KCNH2: variants seen among roughly 807,000 people sequenced by gnomAD.
KCNH2 encodes the protein potassium voltage-gated channel subfamily H member 2, also known as voltage-gated inwardly rectifying potassium channel KCNH2.
Under a neutral mutation model 95.9 loss-of-function variants are expected in KCNH2, and 35 were observed. The observed-to-expected ratio is 0.37, with a 90% CI of 0.28 to 0.48. The LOEUF (loss-of-function observed/expected upper bound fraction) is 0.48, where lower values mean the gene tolerates loss of function less well. KCNH2 is among the 20% of genes least tolerant of loss of function. The pLI, the probability that KCNH2 is intolerant of heterozygous loss-of-function variation, is 0.99. For synonymous variants in KCNH2, 786 were observed against 754.7 expected, an observed-to-expected ratio of 1.04 and a Z score of -0.68; for missense variants, 1,274 against 1,702.9, an observed-to-expected ratio of 0.75 and a Z score of 4.43.
chr7:150,952,781 G>C lies in KCNH2; in HGVS notation c.1201C>G (p.Leu401Val). ...QAPRIHRWTI[L>V]HYSPFKAVWD... Reference sequence around the variant, plus strand: ...ACGGCCTTGAAGGGGCTGTAATGCAGGATGGTCCAGCGGTGGATGCGCGGT... The same window carrying C: ...ACGGCCTTGAAGGGGCTGTAATGCACGATGGTCCAGCGGTGGATGCGCGGT... The change falls in exon 6 of 15, where the codon CTG becomes GTG. Residue 401 changes from leucine (L) to valine (V), a missense_variant. Leu to Val is a conservative substitution (Grantham distance 32). Coordinates refer to ENST00000262186, the MANE Select transcript of KCNH2 (RefSeq NM_000238.4). This position sits in a 1 kb window ranked among gnomAD's most constrained non-coding sequence, Gnocchi z 7.3. 6.2e-7 allele frequency: 1 copy of C among 1,614,190 alleles called. No homozygotes were observed. The highest frequency in any genetic ancestry group is 2.2e-5 in the East Asian group (1 of 44,882).
intron 9 of KCNH2, chr7:150,949,731 G>A (rs1011269768): frequency 5.9e-6 from 7 of 1,186,960 alleles, no homozygotes; most frequent in Middle Eastern, 3.8e-4. Context: ...CACAGGCAGG[G>A]TAGAAAGGAA....
chr7:150,958,877 A>G (rs1157854046), intron 3 of KCNH2, among the ~76,000 whole-genome samples: 3 of 152,202 alleles, frequency 2.0e-5, no homozygotes, highest in African/African-American at 7.2e-5. Context: ...ACACAATGCC[A>G]GGGGCCCTGC....
intron 1 of KCNH2, among the ~76,000 whole-genome samples, chr7:150,976,219 C>T (rs1024594405): frequency 6.6e-6 from 1 of 152,116 alleles, no homozygotes; most frequent in African/African-American, 2.4e-5. Flanking sequence ...GGCAATCCTA[C>T]GTGCAAAGCT....
At position 150,945,079 on chromosome 7, in the gene KCNH2, T is replaced by C; in HGVS notation, c.*286A>G. On this transcript the variant is annotated 3_prime_UTR_variant, in exon 15 of 15. Transcript: ENST00000262186. The surrounding 1 kb of genome is among the most constrained non-coding windows in gnomAD (Gnocchi z 5.6). ...GTAAATAGCAGAAAAGTCCTTGAGG[T>C]GCCTAAGGCCCAGGGCCGGGTGCCT... The C allele has an allele frequency of 2.2e-6, 1 of 450,428 alleles. No individual in the cohort carries two copies. The highest frequency in any genetic ancestry group is 4.0e-6 in the Non-Finnish European group (1 of 252,648). 27.9% of individuals were successfully genotyped at this position (450,428 alleles called of 1,614,324 possible).
Position 150,978,046 on chromosome 7 carries a change from G to T in KCNH2, c.-133C>A. ...CCAAGCCGAGCACGGGCGCGGCCAA[G>T]ACTGGACTGCGGGCGCCGGGTCCTC... On this transcript the variant is annotated 5_prime_UTR_variant, in exon 1 of 15. Transcript: ENST00000262186. 3.3e-6 allele frequency: 1 copy of T among 306,524 alleles called. No individual in the cohort carries two copies. Among genetic ancestry groups the T allele is most frequent in the South Asian group, 1.4e-4 (1 of 7,296 alleles). 19.0% of individuals were successfully genotyped at this position (306,524 alleles called of 1,614,324 possible).
chr7:150,949,957 T>G, intron 9 of KCNH2: 1 of 1,542,174 alleles, frequency 6.5e-7, no homozygotes, highest in Non-Finnish European at 8.8e-7. Context: ...AAGGAGAATG[T>G]GGGAACCCCA....
At chr7:150,950,569 G>A (rs1372623007) in intron 8 of KCNH2, 149 bp from the exon 9 acceptor site, 1 of 1,083,402 alleles carries the variant, frequency 9.2e-7, no homozygotes, top group East Asian at 2.6e-5. Context: ...CAGTGTCTTG[G>A]GAAGGACCTG....
intron 5 of KCNH2, among the ~76,000 whole-genome samples, chr7:150,956,478 CAG>C (rs755745977): frequency 6.6e-6 from 1 of 152,192 alleles, no homozygotes; most frequent in Non-Finnish European, 1.5e-5. Flanking sequence ...TCACTCACTG[CAG>C]AGATCTGCAC....
intron 2 of KCNH2, among the ~76,000 whole-genome samples, chr7:150,969,586 T>A (rs558805605): frequency 6.2e-4 from 94 of 152,312 alleles, no homozygotes; most frequent in African/African-American, 2.3e-3. Flanking sequence ...GTCACCTGAC[T>A]CCCAGGGAAG....
At position 150,948,473 on chromosome 7, in the gene KCNH2, T is replaced by G; in HGVS notation, c.2663A>C (p.Lys888Thr). Residue 888 changes from lysine (K) to threonine (T), a missense_variant, in exon 11 of 15, where the codon AAG becomes ACG. Around this residue, in one of 7 missense-constraint regions of KCNH2, gnomAD observed 457 missense variants for 416.1 expected, o/e 1.10. Coordinates refer to ENST00000262186, the MANE Select transcript of KCNH2 (RefSeq NM_000238.4). ...EGGFSRQRKR[K>T]LSFRRRTDKD... ...GTCCGTGCGCCTGCGGAAGGACAAC[T>G]TGCGCTTGCGTTGCCGACTGAAGCC... 7.3e-7 allele frequency: 1 copy of G among 1,378,564 alleles called. No homozygotes were observed. The highest frequency in any genetic ancestry group is 1.5e-5 in the African/African-American group (1 of 64,840). The allele number at this position is 1,378,564 out of a possible 1,614,324, so 85.4% of individuals were successfully genotyped here.
intron 7 of KCNH2, 88 bp downstream of exon 7, chr7:150,951,360 C>T (rs1801149734): frequency 6.4e-7 from 1 of 1,553,636 alleles, no homozygotes; most frequent in African/African-American, 1.4e-5. Context: ...CAGGGCCTCA[C>T]TCTGGCCCGG....
At chr7:150,959,447 A>AG in intron 3 of KCNH2, 125 bp downstream of exon 3, 1 of 1,209,032 alleles carries the variant, frequency 8.3e-7, no homozygotes, top group Non-Finnish European at 1.2e-6. Context: ...CCACCTCCAA[A>AG]GGGGGGACCC....
chr7:150,948,771 C>A, intron 10 of KCNH2, 85 bp downstream of exon 10: 1 of 1,261,890 alleles, frequency 7.9e-7, no homozygotes, highest in East Asian at 2.4e-5. Context: ...GACAGAGAAG[C>A]ATCACATTCA....
At chr7:150,950,061 C>A in intron 9 of KCNH2, 107 bp downstream of exon 9, 1 of 1,612,060 alleles carries the variant, frequency 6.2e-7, no homozygotes, top group South Asian at 1.1e-5. Context: ...AGTGACCCTG[C>A]AGGCAGTCCC....
At position 150,947,099 on chromosome 7, in the gene KCNH2, T is replaced by C. The variant is rs1228179792; in HGVS notation, c.3153-45A>G. The stretch of plus-strand genomic sequence containing the variant: ...ATGCTCAGAGAAGTGGGGACACCAG[T>C]GACAGCCTCCACCGGGAGTGGGGAA... On this transcript the variant is annotated intron_variant, in intron 13 of 14. Coordinates refer to ENST00000262186, the MANE Select transcript of KCNH2 (RefSeq NM_000238.4). 4 of 972,812 alleles carry C rather than the reference T, an allele frequency of 4.1e-6. No homozygotes were observed. In the East Asian group the frequency reaches 2.3e-4, roughly 56 times the overall value. The allele number at this position is 972,812 out of a possible 1,614,324, so 60.3% of individuals were successfully genotyped here. A position where few individuals can be genotyped will look rare whatever the true frequency, so the allele number is the denominator to read the frequency against.
intron 5 of KCNH2, 28 bp downstream of exon 5, chr7:150,957,263 G>A: frequency 6.5e-7 from 1 of 1,538,732 alleles, no homozygotes; most frequent in Non-Finnish European, 8.8e-7. Context: ...TCCAAGGTGA[G>A]AGGAGAGCCC....
rs1584839577 is a variant in KCNH2 at position 150,945,610 on chromosome 7, G to A, written c.3331-96C>T. The A allele has an allele frequency of 9.9e-6, 13 of 1,311,478 alleles. No homozygotes were observed. The East Asian group carries it at 1.5e-4, about 15-fold the overall frequency. The allele number at this position is 1,311,478 out of a possible 1,614,324, so 81.2% of individuals were successfully genotyped here. A position where few individuals can be genotyped will look rare whatever the true frequency, so the allele number is the denominator to read the frequency against. ...GAGAACCCGGGGACAGAGGATGGAC[G>A]GGAGGACAGGAGGGCCAAGAGGAGA... On this transcript the variant is annotated intron_variant, in intron 14 of 14. Transcript: ENST00000262186. The surrounding 1 kb of genome is among the most constrained non-coding windows in gnomAD (Gnocchi z 5.6).
chr7:150,950,370 C>A lies in KCNH2; in HGVS notation c.2196G>T (p.Leu732=), dbSNP rs1801094386. ...TGCAGTGCTGCAGCAGTGAGCGGTTCAGGTGCAGGCAGATGTCAGCCTGCA... is the reference window on the plus strand; with the variant it reads ...TGCAGTGCTGCAGCAGTGAGCGGTTAAGGTGCAGGCAGATGTCAGCCTGCA... The part of the protein sequence containing the change: ...ECLQADICLH[L]NRSLLQHCKP... Residue 732 remains leucine (L), a synonymous_variant, in exon 9 of 15, where the codon CTG becomes CTT. Coordinates refer to ENST00000262186, the MANE Select transcript of KCNH2 (RefSeq NM_000238.4). 1 of 1,612,968 alleles carries A rather than the reference C, an allele frequency of 6.2e-7. No homozygotes were observed. The highest frequency in any genetic ancestry group is 8.5e-7 in the Non-Finnish European group (1 of 1,179,898).
intron 2 of KCNH2, among the ~76,000 whole-genome samples, chr7:150,970,136 G>A (rs1801801696): frequency 1.3e-5 from 2 of 152,180 alleles, no homozygotes; most frequent in Admixed American, 1.3e-4. Flanking sequence ...AAACGCAGAA[G>A]TTCTCTAAGG....
Sources: gnomAD v4.1 joint callset for allele counts (sites outside exome capture counted in the v4.1 genomes callset) on GRCh38, gnomAD v4.1.1 for gene constraint, gnomAD v4.1.1 regional missense constraint, Gnocchi (gnomAD v3.1) non-coding constraint, MANE v1.5 for transcripts, NCBI Gene and HGNC (gene_info 2026-07-23, HGNC 2026-07-21) for gene names.